The following DMXL2 variants were observed in gnomAD, a reference collection of about 807,000 sequenced individuals.
DMXL2 encodes dmX-like protein 2.
In DMXL2, 103 loss-of-function variants were observed where a neutral mutation model predicts 331.1. The observed-to-expected ratio is 0.31, with a 90% CI of 0.27 to 0.37. DMXL2 has a LOEUF of 0.37. Among genes scored for constraint, DMXL2 ranks in the 10% least tolerant of loss-of-function variants. DMXL2 has a pLI of 1.00. For synonymous variants in DMXL2, 1,281 were observed against 1,252.1 expected, an observed-to-expected ratio of 1.02 and a Z score of -0.49; for missense variants, 3,171 against 3,642.9, an observed-to-expected ratio of 0.87 and a Z score of 3.33.
At chr15:51,593,879 C>T (rs1482753029) in intron 1 of DMXL2, among the ~76,000 whole-genome samples, 1 of 152,196 alleles carries the variant, frequency 6.6e-6, no homozygotes, top group Non-Finnish European at 1.5e-5. Context: ...AGAACAAAGA[C>T]ATGACATACC....
intron 15 of DMXL2, among the ~76,000 whole-genome samples, chr15:51,509,735 G>A (rs949444792): frequency 7.2e-5 from 11 of 151,978 alleles, no homozygotes; most frequent in African/African-American, 1.9e-4. Flanking sequence ...ATACCAAAAC[G>A]TGGCAGAGAC....
chr15:51,488,766 G>T (rs1454306232), intron 20 of DMXL2, 121 bp from the exon 21 acceptor site: 2 of 829,050 alleles, frequency 2.4e-6, no homozygotes, highest in East Asian at 2.8e-5. Flanking sequence ...AGAAAAAGTT[G>T]GTTCTGTTTC....
At chr15:51,506,128 G>A (rs980679705) in intron 16 of DMXL2, among the ~76,000 whole-genome samples, 2 of 151,974 alleles carry the variant, frequency 1.3e-5, no homozygotes, top group African/African-American at 2.4e-5. Flanking sequence ...GCTGGAGTGC[G>A]GTGGTGCAGT....
intron 33 of DMXL2, among the ~76,000 whole-genome samples, chr15:51,462,492 C>T (rs56111842): frequency 0.11 from 17,344 of 152,102 alleles, 1,278 homozygotes; most frequent in Admixed American, 0.21. Flanking sequence ...TGCGCCACCA[C>T]GCCCGGCTAA....
intron 1 of DMXL2, among the ~76,000 whole-genome samples, chr15:51,597,004 T>C (rs1309848075): frequency 6.6e-6 from 1 of 152,128 alleles, no homozygotes; most frequent in Non-Finnish European, 1.5e-5. Flanking sequence ...CACACCAACA[T>C]GGCACATGTA....
At chr15:51,551,184 T>C (rs919449763) in intron 6 of DMXL2, among the ~76,000 whole-genome samples, 2 of 152,022 alleles carry the variant, frequency 1.3e-5, no homozygotes, top group African/African-American at 4.8e-5. Context: ...TAATCAGATG[T>C]GGTATATTCT....
At position 51,448,874 on chromosome 15, in the gene DMXL2, T is replaced by C. The variant is rs181192893; in HGVS notation, c.*110A>G. 57 of 1,114,656 alleles carry C rather than the reference T, an allele frequency of 5.1e-5. No homozygotes were observed. In the East Asian group the frequency reaches 1.3e-3, roughly 26 times the overall value. The allele number at this position is 1,114,656 out of a possible 1,614,324, so 69.0% of individuals were successfully genotyped here. A position where few individuals can be genotyped will look rare whatever the true frequency, so the allele number is the denominator to read the frequency against. On this transcript the variant is annotated 3_prime_UTR_variant, in exon 44 of 44. Transcript: ENST00000560891. ...CTCAGCTTGGGTCATATTCAAATTC[T>C]ACACAGAGATTCTCTGTTTTCAATA...
intron 31 of DMXL2, 141 bp downstream of exon 31, chr15:51,465,425 C>A: frequency 1.4e-6 from 1 of 707,314 alleles, no homozygotes; most frequent in Non-Finnish European, 2.4e-6. Context: ...CAGATTGGAG[C>A]CTAAAATAAA....
chr15:51,598,312 C>A (rs1165950110), intron 1 of DMXL2, among the ~76,000 whole-genome samples: 1 of 152,144 alleles, frequency 6.6e-6, no homozygotes. Context: ...TGTATACATA[C>A]ATATATTTTT....
At chr15:51,618,166 G>A (rs780665831) in intron 1 of DMXL2, among the ~76,000 whole-genome samples, 17 of 152,110 alleles carry the variant, frequency 1.1e-4, no homozygotes, top group Non-Finnish European at 2.4e-4. Flanking sequence ...AGTTCTCTTA[G>A]TCTTCCTGAA....
intron 1 of DMXL2, among the ~76,000 whole-genome samples, chr15:51,621,491 G>A (rs989043721): frequency 1.2e-4 from 18 of 152,186 alleles, no homozygotes; most frequent in African/African-American, 4.3e-4. Context: ...GCTGCCTACA[G>A]TTCCTTATAA....
At chr15:51,555,332 A>T (rs2049492072) in intron 6 of DMXL2, among the ~76,000 whole-genome samples, 1 of 152,174 alleles carries the variant, frequency 6.6e-6, no homozygotes, top group Admixed American at 6.6e-5. Flanking sequence ...CAGATTGTGG[A>T]TATATTCTAA....
chr15:51,529,513 A>C (rs2047880842), intron 13 of DMXL2, among the ~76,000 whole-genome samples: 1 of 152,184 alleles, frequency 6.6e-6, no homozygotes, highest in Non-Finnish European at 1.5e-5. Flanking sequence ...CAAGAAATGG[A>C]CAAATTCTTA....
At chr15:51,466,420 A>AC in intron 29 of DMXL2, 109 bp from the exon 30 acceptor site, 1 of 385,986 alleles carries the variant, frequency 2.6e-6, no homozygotes, top group Non-Finnish European at 3.8e-6. Flanking sequence ...TATTTTTAGT[A>AC]TATAATTATT....
intron 28 of DMXL2, 67 bp downstream of exon 28, chr15:51,474,277 T>TA: frequency 4.7e-6 from 7 of 1,479,462 alleles, no homozygotes; most frequent in Non-Finnish European, 6.3e-6. Context: ...CTTGAAACAT[T>TA]AAAAAAAATT....
At chr15:51,581,464 A>C (rs982123017) in intron 1 of DMXL2, among the ~76,000 whole-genome samples, 1 of 152,172 alleles carries the variant, frequency 6.6e-6, no homozygotes, top group Non-Finnish European at 1.5e-5. Flanking sequence ...GATGCGTCTA[A>C]ATTTAAGAGA....
At chr15:51,512,014 G>A (rs1186629652) in intron 15 of DMXL2, among the ~76,000 whole-genome samples, 1 of 152,084 alleles carries the variant, frequency 6.6e-6, no homozygotes, top group Non-Finnish European at 1.5e-5. Context: ...ACACAGGGAA[G>A]GGAACATCAC....
chr15:51,610,969 G>A (rs760602794), intron 1 of DMXL2, among the ~76,000 whole-genome samples: 4 of 152,048 alleles, frequency 2.6e-5, no homozygotes, highest in Non-Finnish European at 5.9e-5. Flanking sequence ...AAACAGCTTT[G>A]TAGAATGCAG....
At chr15:51,598,760 G>C (rs2141295591) in intron 1 of DMXL2, among the ~76,000 whole-genome samples, 1 of 152,322 alleles carries the variant, frequency 6.6e-6, no homozygotes, top group South Asian at 2.1e-4. Flanking sequence ...TGGCACTTCT[G>C]TTAATTTGCC....
Sources: allele counts gnomAD v4.1 joint callset (sites outside exome capture counted in the v4.1 genomes callset), GRCh38; gene constraint gnomAD v4.1.1; transcripts MANE v1.5; gene names NCBI Gene and HGNC (gene_info 2026-07-23, HGNC 2026-07-21).